COG5: variants seen among roughly 807,000 people sequenced by gnomAD.
COG5 encodes the protein conserved oligomeric Golgi complex subunit 5.
A neutral mutation model predicts 110.4 loss-of-function variants in COG5; 86 were observed. That is an observed-to-expected ratio of 0.78 (90% CI 0.65 to 0.93). The LOEUF (loss-of-function observed/expected upper bound fraction) is 0.93, where lower values mean the gene tolerates loss of function less well. Among genes scored for constraint, COG5 ranks in the 40% least tolerant of loss-of-function variants. The probability of loss-of-function intolerance (pLI) is 0.00; values close to 1 mark genes in which losing one functional copy is unlikely to be tolerated. For synonymous variants in COG5, 360 were observed against 334.6 expected, an observed-to-expected ratio of 1.08 and a Z score of -0.83; for missense variants, 1,077 against 987.0, an observed-to-expected ratio of 1.09 and a Z score of -1.22.
At chr7:107,307,256 G>C (rs1392340620) in intron 11 of COG5, among the ~76,000 whole-genome samples, 1 of 152,066 alleles carries the variant, frequency 6.6e-6, no homozygotes, top group African/African-American at 2.4e-5. Context: ...TCTCTCATTT[G>C]ATTTCTGTTG....
chr7:107,202,291 T>TA lies in COG5; in HGVS notation c.*1224dup, dbSNP rs1798389216. ...TTACTGCAGTGCAACACTTGCACTT[T>TA]AATTTTCCTCCAACTGTCTAAAATT... On this transcript the variant is annotated 3_prime_UTR_variant, in exon 22 of 22. Coordinates refer to ENST00000297135, the MANE Select transcript of COG5 (RefSeq NM_006348.5). The TA allele has an allele frequency of 6.6e-6, 1 of 152,658 alleles. No homozygotes were observed. Among genetic ancestry groups the TA allele is most frequent in the African/African-American group, 2.4e-5 (1 of 41,460 alleles). 9.5% of individuals were successfully genotyped at this position (152,658 alleles called of 1,614,324 possible). A position where few individuals can be genotyped will look rare whatever the true frequency, so the allele number is the denominator to read the frequency against.
At chr7:107,256,271 G>A (rs1267622860) in intron 16 of COG5, among the ~76,000 whole-genome samples, 1 of 152,090 alleles carries the variant, frequency 6.6e-6, no homozygotes, top group African/African-American at 2.4e-5. Context: ...TTATGAGAGA[G>A]GGGTGGGCAT....
chr7:107,252,804 G>C (rs1802618856), intron 16 of COG5, among the ~76,000 whole-genome samples: 1 of 152,008 alleles, frequency 6.6e-6, no homozygotes, highest in Non-Finnish European at 1.5e-5. Context: ...TAAAAGAGTA[G>C]AGCCATATGA....
At chr7:107,461,691 T>C (rs1219742396) in intron 6 of COG5, among the ~76,000 whole-genome samples, 4 of 152,206 alleles carry the variant, frequency 2.6e-5, no homozygotes, top group Non-Finnish European at 4.4e-5. Context: ...AATAAATAAA[T>C]GAGTTTGGCA....
In COG5 at chr7:107,542,605, T is replaced by A. The variant is rs533000761; in HGVS notation, c.417+5506A>T. Among the ~76,000 whole-genome samples the A allele has an allele frequency of 5.5e-4, 84 of 152,272 alleles. No individual in the cohort carries two copies. The South Asian group carries it at 0.017, about 30-fold the overall frequency. On this transcript the variant is annotated intron_variant, in intron 5 of 21. Coordinates refer to ENST00000297135, the MANE Select transcript of COG5 (RefSeq NM_006348.5). Reference sequence around the variant, plus strand: ...GCCATATTACTCATAATGGTCCCAATCTGGAAACAATCCAAATTCCATAAG... The same window carrying A: ...GCCATATTACTCATAATGGTCCCAAACTGGAAACAATCCAAATTCCATAAG...
chr7:107,529,085 C>G (rs1800989685), intron 5 of COG5, among the ~76,000 whole-genome samples: 1 of 145,190 alleles, frequency 6.9e-6, no homozygotes, highest in Non-Finnish European at 1.5e-5. Flanking sequence ...ACAATTGGGG[C>G]ATCTTTATCT....
intron 7 of COG5, among the ~76,000 whole-genome samples, chr7:107,402,490 T>G (rs917754456): frequency 6.6e-6 from 1 of 152,236 alleles, no homozygotes; most frequent in Non-Finnish European, 1.5e-5. Flanking sequence ...TGTCATCATT[T>G]TACTGTGGGG....
chr7:107,513,272 A>C (rs1357838634), intron 6 of COG5, among the ~76,000 whole-genome samples: 6 of 152,134 alleles, frequency 3.9e-5, no homozygotes, highest in Admixed American at 3.9e-4. Flanking sequence ...GAAGACATTT[A>C]TGCAGCCAAA....
intron 11 of COG5, among the ~76,000 whole-genome samples, chr7:107,317,599 T>C (rs1808872457): frequency 6.6e-6 from 1 of 152,236 alleles, no homozygotes; most frequent in African/African-American, 2.4e-5. Context: ...AGATTATTAC[T>C]GCTTTGAATT....
intron 6 of COG5, among the ~76,000 whole-genome samples, chr7:107,460,176 G>A (rs1038734324): frequency 2.6e-5 from 4 of 152,170 alleles, no homozygotes; most frequent in Non-Finnish European, 5.9e-5. Context: ...GCTGAGGTTG[G>A]AGGATTGCTT....
chr7:107,458,078 C>A (rs1244884751), intron 6 of COG5, among the ~76,000 whole-genome samples: 1 of 152,006 alleles, frequency 6.6e-6, no homozygotes, highest in African/African-American at 2.4e-5. Context: ...ACCAAGCATG[C>A]CATAAAACAA....
chr7:107,441,255 C>T (rs181395132), intron 6 of COG5, among the ~76,000 whole-genome samples: 1,445 of 71,360 alleles, frequency 0.02, 13 homozygotes, highest in Non-Finnish European at 0.026. Flanking sequence ...GACTCCGTCT[C>T]AAAAAAAAAA....
chr7:107,440,025 C>T (rs1794614068), intron 6 of COG5, among the ~76,000 whole-genome samples: 1 of 152,176 alleles, frequency 6.6e-6, no homozygotes, highest in African/African-American at 2.4e-5. Context: ...ACTAATATAT[C>T]ACTGGGTAGT....
intron 17 of COG5, among the ~76,000 whole-genome samples, chr7:107,246,911 T>C (rs1802100426): frequency 6.6e-6 from 1 of 152,112 alleles, no homozygotes; most frequent in South Asian, 2.1e-4. Context: ...CATAAAAACA[T>C]ATGCATGTGC....
intron 14 of COG5, among the ~76,000 whole-genome samples, chr7:107,278,486 G>C (rs1230478677): frequency 1.3e-5 from 2 of 152,024 alleles, no homozygotes; most frequent in African/African-American, 2.4e-5. Context: ...TGTTCTCATT[G>C]GTCAACTCCC....
intron 11 of COG5, among the ~76,000 whole-genome samples, chr7:107,324,152 G>A (rs1260808874): frequency 6.6e-6 from 1 of 151,958 alleles, no homozygotes; most frequent in Non-Finnish European, 1.5e-5. Flanking sequence ...CTCTACGTAG[G>A]AAAAATTCAG....
chr7:107,550,756 G>A (rs2712186), intron 3 of COG5, among the ~76,000 whole-genome samples: 58,812 of 151,684 alleles, frequency 0.39, 12,300 homozygotes, highest in Non-Finnish European at 0.47. Flanking sequence ...CCCAGGCTGG[G>A]GTGCACTGGC....
chr7:107,389,614 C>T (rs1027335872), intron 7 of COG5, among the ~76,000 whole-genome samples: 3 of 152,162 alleles, frequency 2.0e-5, no homozygotes, highest in Admixed American at 1.3e-4. Context: ...GGGACAAGCC[C>T]GTGGCCTCCA....
chr7:107,438,691 A>G (rs1321520291), intron 6 of COG5, among the ~76,000 whole-genome samples: 1 of 152,230 alleles, frequency 6.6e-6, no homozygotes, highest in Non-Finnish European at 1.5e-5. Flanking sequence ...GGGAGACTTT[A>G]TACTGTTTAC....
Sources: allele counts gnomAD v4.1 joint callset (sites outside exome capture counted in the v4.1 genomes callset), GRCh38; gene constraint gnomAD v4.1.1; transcripts MANE v1.5; gene names NCBI Gene and HGNC (gene_info 2026-07-23, HGNC 2026-07-21).